The following CALN1 variants were observed in gnomAD, a reference collection of about 807,000 sequenced individuals.
CALN1 encodes calcium-binding protein 8.
In CALN1, 17 loss-of-function variants were observed where a neutral mutation model predicts 30.6. That is an observed-to-expected ratio of 0.56 (90% CI 0.38 to 0.83). The LOEUF is 0.83. Ranked by LOEUF, CALN1 falls within the 40% of genes least tolerant of loss-of-function variation. CALN1 has a pLI of 0.00. For synonymous variants in CALN1, 156 were observed against 131.4 expected, an observed-to-expected ratio of 1.19 and a Z score of -1.28; for missense variants, 291 against 354.9, an observed-to-expected ratio of 0.82 and a Z score of 1.45.
chr7:72,295,586 G>T (rs988911747), intron 2 of CALN1, among the ~76,000 whole-genome samples: 1 of 140,464 alleles, frequency 7.1e-6, no homozygotes, highest in African/African-American at 2.7e-5. Flanking sequence ...CACATCCCTT[G>T]TAAGTTGGAT....
At chr7:72,127,884 A>C (rs559988666) in intron 3 of CALN1, among the ~76,000 whole-genome samples, 1 of 152,264 alleles carries the variant, frequency 6.6e-6, no homozygotes, top group African/African-American at 2.4e-5. Flanking sequence ...AATTATGAGA[A>C]ATATGCTGAT....
rs185647651 is a variant in CALN1 at position 72,387,690 on chromosome 7, A to G, written c.119+15561T>C. The stretch of plus-strand genomic sequence containing the variant: ...AATATACATACCCAATACTTTTCAA[A>G]GCTGTCAGGATCATCGAAAATAAGA... On this transcript the variant is annotated intron_variant, in intron 2 of 6. Coordinates refer to ENST00000395275, the MANE Select transcript of CALN1 (RefSeq NM_031468.4). Among the ~76,000 whole-genome samples the G allele has an allele frequency of 4.3e-4, 66 of 152,356 alleles. 1 individual carries two copies. The East Asian group carries it at 0.012, about 28-fold the overall frequency.
intron 3 of CALN1, among the ~76,000 whole-genome samples, chr7:72,229,915 C>T (rs1367422821): frequency 2.6e-5 from 4 of 151,840 alleles, no homozygotes; most frequent in East Asian, 3.9e-4. Context: ...GGCTGAGCCG[C>T]GCGGATCATG....
intron 5 of CALN1, among the ~76,000 whole-genome samples, chr7:71,880,134 C>A (rs1244430313): frequency 1.3e-5 from 2 of 151,976 alleles, no homozygotes; most frequent in African/African-American, 4.8e-5. Context: ...AGGATACTGT[C>A]TCAAAAAACA....
At chr7:72,394,620 A>G (rs1304750416) in intron 2 of CALN1, among the ~76,000 whole-genome samples, 1 of 151,332 alleles carries the variant, frequency 6.6e-6, no homozygotes, top group Non-Finnish European at 1.5e-5. Flanking sequence ...ATATATGCTT[A>G]TTTAATCTGA....
chr7:72,232,455 A>G (rs1378483925), intron 3 of CALN1, among the ~76,000 whole-genome samples: 1 of 152,012 alleles, frequency 6.6e-6, no homozygotes, highest in Non-Finnish European at 1.5e-5. Context: ...GCTTTCAAAA[A>G]AATTTTTTTT....
At chr7:72,307,827 G>A (rs529989409) in intron 2 of CALN1, among the ~76,000 whole-genome samples, 2 of 152,002 alleles carry the variant, frequency 1.3e-5, no homozygotes, top group African/African-American at 2.4e-5. Flanking sequence ...ACTGAAAGAC[G>A]GCTGTTGCCT....
intron 3 of CALN1, among the ~76,000 whole-genome samples, chr7:72,255,389 TTTTTCTTTTC>T (rs760999335): frequency 4.4e-5 from 5 of 112,504 alleles, no homozygotes; most frequent in Non-Finnish European, 1.0e-4. Flanking sequence ...CACCCAGCCT[TTTTTCTTTTC>T]TTTTCTTTTT....
At chr7:72,116,846 C>T (rs964511214) in intron 3 of CALN1, among the ~76,000 whole-genome samples, 1 of 152,172 alleles carries the variant, frequency 6.6e-6, no homozygotes, top group Non-Finnish European at 1.5e-5. Flanking sequence ...GGCTCAGGTA[C>T]AGTCTCAAGA....
At chr7:71,989,398 C>A (rs573536462) in intron 5 of CALN1, among the ~76,000 whole-genome samples, 2 of 150,822 alleles carry the variant, frequency 1.3e-5, no homozygotes, top group South Asian at 4.2e-4. Flanking sequence ...GAGGTCGCAT[C>A]ACTGTACTCC....
chr7:72,313,756 C>G lies in CALN1; in HGVS notation c.120-34946G>C, dbSNP rs7780241. Among the ~76,000 whole-genome samples, 1,350 of 152,242 alleles carry G rather than the reference C, an allele frequency of 8.9e-3. 9 individuals carry two copies. The highest frequency in any genetic ancestry group is 0.017 in the Middle Eastern group (5 of 294). The stretch of plus-strand genomic sequence containing the variant: ...AGACTTCTGGCTAATAATTGGCAAA[C>G]TGAACTCATTTTCCCCTCTCTTTAC... On this transcript the variant is annotated intron_variant, in intron 2 of 6. Transcript: ENST00000395275.
intron 3 of CALN1, among the ~76,000 whole-genome samples, chr7:72,173,268 C>T (rs1247144701): frequency 6.6e-6 from 1 of 151,944 alleles, no homozygotes; most frequent in East Asian, 1.9e-4. Flanking sequence ...TATACAAAAT[C>T]TCGAAGTTGA....
chr7:71,857,989 C>A (rs1791052975), intron 5 of CALN1, among the ~76,000 whole-genome samples: 1 of 152,096 alleles, frequency 6.6e-6, no homozygotes, highest in Non-Finnish European at 1.5e-5. Flanking sequence ...ATAAAAATGT[C>A]ACAAAAGATG....
chr7:72,174,362 C>T (rs1221743120), intron 3 of CALN1, among the ~76,000 whole-genome samples: 1 of 152,104 alleles, frequency 6.6e-6, no homozygotes, highest in South Asian at 2.1e-4. Context: ...TATCATGCAA[C>T]CCACCCACTC....
chr7:72,306,061 CA>C (rs1479082291), intron 2 of CALN1, among the ~76,000 whole-genome samples: 1 of 152,186 alleles, frequency 6.6e-6, no homozygotes, highest in East Asian at 1.9e-4. Flanking sequence ...TCATGCCCTA[CA>C]AACCATAAAC....
intron 3 of CALN1, among the ~76,000 whole-genome samples, chr7:72,116,774 A>G (rs1319073004): frequency 6.6e-6 from 1 of 152,184 alleles, no homozygotes; most frequent in African/African-American, 2.4e-5. Flanking sequence ...GCTATTGACC[A>G]AAGGAGCCAA....
chr7:72,079,052 G>A (rs1049777817), intron 4 of CALN1, among the ~76,000 whole-genome samples: 1 of 152,160 alleles, frequency 6.6e-6, no homozygotes, highest in African/African-American at 2.4e-5. Flanking sequence ...CTGCAGTTTC[G>A]CATTTTGAAA....
chr7:71,904,069 G>GA (rs926466552), intron 5 of CALN1, among the ~76,000 whole-genome samples: 1 of 151,998 alleles, frequency 6.6e-6, no homozygotes, highest in Non-Finnish European at 1.5e-5. Context: ...GGAAGATGGG[G>GA]AAAAAAAGGA....
At chr7:71,794,124 G>A (rs556182198) in intron 6 of CALN1, among the ~76,000 whole-genome samples, 28 of 152,174 alleles carry the variant, frequency 1.8e-4, no homozygotes, top group African/African-American at 6.5e-4. Flanking sequence ...CATTTATTGC[G>A]TGAGGAGCCT....
Sources: allele counts gnomAD v4.1 joint callset (sites outside exome capture counted in the v4.1 genomes callset), GRCh38; gene constraint gnomAD v4.1.1; transcripts MANE v1.5; gene names NCBI Gene and HGNC (gene_info 2026-07-23, HGNC 2026-07-21).